The following RYR2 variants were observed in gnomAD, a reference collection of about 807,000 sequenced individuals.
RYR2 encodes the protein cardiac muscle ryanodine receptor-calcium release channel.
A neutral mutation model predicts 601.1 loss-of-function variants in RYR2; 227 were observed. That is an observed-to-expected ratio of 0.38 (90% CI 0.34 to 0.42). The LOEUF is 0.42. Among genes scored for constraint, RYR2 ranks in the 10% least tolerant of loss-of-function variants. RYR2 has a pLI of 1.00. For synonymous variants in RYR2, 2,223 were observed against 2,175.1 expected (o/e 1.02, Z -0.61); for missense variants, 4,646 against 6,156.5 (o/e 0.75, Z 8.21).
chr1:237,575,905 C>T (rs1257261323), intron 29 of RYR2, among the ~76,000 whole-genome samples: 1 of 152,136 alleles, frequency 6.6e-6, no homozygotes, highest in Non-Finnish European at 1.5e-5. Flanking sequence ...AGAATCTATA[C>T]ACATTACTAG....
At position 237,301,300 on chromosome 1, in the gene RYR2, GT is replaced by G. The variant is rs533422527; in HGVS notation, c.169-29577del. ...AAATCTGTAAAACTCAAGATTGCAAGTATTAGTATTAGAATATGTAGTTTAT... is the reference window on the plus strand; with the variant it reads ...AAATCTGTAAAACTCAAGATTGCAAGATTAGTATTAGAATATGTAGTTTAT... On this transcript the variant is annotated intron_variant, in intron 2 of 104. Coordinates refer to ENST00000366574, the MANE Select transcript of RYR2 (RefSeq NM_001035.3). Among the ~76,000 whole-genome samples the G allele has an allele frequency of 5.1e-4, 78 of 152,200 alleles. 1 individual carries two copies. Among genetic ancestry groups the G allele is most frequent in the South Asian group, 2.7e-3 (13 of 4,824 alleles).
chr1:237,043,910 A>G (rs1660237077), intron 1 of RYR2, among the ~76,000 whole-genome samples: 1 of 152,250 alleles, frequency 6.6e-6, no homozygotes, highest in African/African-American at 2.4e-5. Flanking sequence ...GCGAATTTGC[A>G]AAGGAACGTT....
At chr1:237,519,732 T>C (rs533649548) in intron 24 of RYR2, among the ~76,000 whole-genome samples, 2 of 152,262 alleles carry the variant, frequency 1.3e-5, no homozygotes, top group African/African-American at 4.8e-5. Flanking sequence ...CTCCTTTTAT[T>C]TACCCCTCAG....
intron 3 of RYR2, among the ~76,000 whole-genome samples, chr1:237,347,022 A>G (rs1380564778): frequency 1.3e-5 from 2 of 152,050 alleles, no homozygotes; most frequent in African/African-American, 4.8e-5. Flanking sequence ...ATTATTTGTA[A>G]ACATGTATGA....
chr1:237,054,203 T>C (rs184312535), intron 1 of RYR2, among the ~76,000 whole-genome samples: 2,102 of 146,814 alleles, frequency 0.014, 51 homozygotes, highest in African/African-American at 0.05. Context: ...TTCCCTTCTT[T>C]CCTCCCTTCC....
At chr1:237,112,981 C>T (rs1243946396) in intron 1 of RYR2, among the ~76,000 whole-genome samples, 5 of 152,056 alleles carry the variant, frequency 3.3e-5, no homozygotes, top group African/African-American at 1.2e-4. Flanking sequence ...CACGGAACCT[C>T]AACGGGGACT....
At chr1:237,292,010 G>A (rs895857283) in intron 2 of RYR2, among the ~76,000 whole-genome samples, 2 of 152,204 alleles carry the variant, frequency 1.3e-5, no homozygotes, top group African/African-American at 4.8e-5. Flanking sequence ...AGCCGTGCAT[G>A]TGTAGGGGGC....
intron 35 of RYR2, among the ~76,000 whole-genome samples, chr1:237,603,679 C>A (rs1044891474): frequency 6.6e-6 from 1 of 152,068 alleles, no homozygotes; most frequent in African/African-American, 2.4e-5. Flanking sequence ...TTCAGGAGAC[C>A]CATCTCATGT....
intron 17 of RYR2, among the ~76,000 whole-genome samples, chr1:237,477,280 A>G (rs901888554): frequency 5.9e-5 from 9 of 152,140 alleles, no homozygotes; most frequent in African/African-American, 2.2e-4. Flanking sequence ...AGTCCCTGCT[A>G]CTCAGGAGGC....
In RYR2 at chr1:237,387,647, G is replaced by A. The variant is rs61832495; in HGVS notation, c.676+267G>A. Among the ~76,000 whole-genome samples the A allele has an allele frequency of 7.0e-3, 1,061 of 152,246 alleles. 7 individuals carry two copies. The highest frequency in any genetic ancestry group is 0.011 in the Non-Finnish European group (754 of 68,010). The stretch of plus-strand genomic sequence containing the variant: ...TTTATGTGATAGCTTCCTATGGATT[G>A]TTTTCTTCAATTTTTTGACCTCAGA... On this transcript the variant is annotated intron_variant, in intron 9 of 104. Transcript: ENST00000366574.
In RYR2 at chr1:237,788,029, A is replaced by G. The variant is rs747584325; in HGVS notation, c.13370A>G (p.Lys4457Arg). 3.7e-6 allele frequency: 6 copies of G among 1,607,142 alleles called. No homozygotes were observed. The highest frequency in any genetic ancestry group is 1.7e-4 in the Middle Eastern group (1 of 6,054). Residue 4457 changes from lysine to arginine, a missense_variant, in exon 92 of 105, where the codon AAG (lysine) becomes AGG (arginine). Physicochemically the swap from Lys to Arg is conservative, Grantham distance 26 (BLOSUM62 2). This residue lies in a region of RYR2 where 364 missense variants were observed against 442.9 expected (regional missense o/e 0.82). Coordinates refer to ENST00000366574, the MANE Select transcript of RYR2 (RefSeq NM_001035.3). ...AAAGAAGAGAAAGCCAAGGAAGACA[A>G]GGGCAAACAAAAGTTGAGGCAGCTT... ...GEKEEKAKED[K>R]GKQKLRQLHT...
chr1:237,379,118 T>C (rs905395658), intron 8 of RYR2, among the ~76,000 whole-genome samples: 1 of 152,244 alleles, frequency 6.6e-6, no homozygotes, highest in African/African-American at 2.4e-5. Context: ...ATTGTAGTTG[T>C]ACCTGGAAAC....
In RYR2 at chr1:237,638,996, C is replaced by T. The variant is rs745446778; in HGVS notation, c.6929-19C>T. On this transcript the variant is annotated intron_variant, in intron 45 of 104. Coordinates refer to ENST00000366574, the MANE Select transcript of RYR2 (RefSeq NM_001035.3). ...CATATAATCATATTTGTTTACTTAT[C>T]TTCCCCATTCTACTTTAGGGGAGAG... is the stretch of plus-strand genomic sequence containing the variant. The T allele has an allele frequency of 1.2e-6, 2 of 1,611,564 alleles. No individual in the cohort carries two copies. The highest frequency in any genetic ancestry group is 1.3e-5 in the African/African-American group (1 of 74,860).
rs2149388075 is a variant in RYR2 at position 237,793,896 on chromosome 1, G to A, written c.13812G>A (p.Lys4604=). The A allele has an allele frequency of 1.9e-6, 3 of 1,610,438 alleles. No individual in the cohort carries two copies. The highest frequency in any genetic ancestry group is 1.7e-6 in the Non-Finnish European group (2 of 1,176,920). Residue 4604 remains lysine, a synonymous_variant, in exon 95 of 105, where the codon AAG becomes AAA. Coordinates refer to ENST00000366574, the MANE Select transcript of RYR2 (RefSeq NM_001035.3). ...KVPLVIFKRE[K]EVARKLEFDG... is the part of the protein sequence containing the mutation. The stretch of plus-strand genomic sequence containing the variant: ...CATTGGTTATTTTTAAGCGAGAAAA[G>A]GAAGTGGCACGGAAATTGGAATTTG...
rs181556797 is a variant in RYR2, at chr1:237,140,421, C to G, written c.48+97852C>G. On this transcript the variant is annotated intron_variant, in intron 1 of 104. Coordinates refer to ENST00000366574, the MANE Select transcript of RYR2 (RefSeq NM_001035.3). The stretch of plus-strand genomic sequence containing the variant: ...TGAATCATCACAAATTAAGTTGTGA[C>G]TAGTTCACCGCTCTGTGAACTTGAA... Among the ~76,000 whole-genome samples the G allele has an allele frequency of 2.5e-4, 38 of 152,312 alleles. No homozygotes were observed. The East Asian group carries it at 6.8e-3, about 27-fold the overall frequency.
Position 237,631,613 on chromosome 1 carries a change from ATTTTTTTTTTTTTTT to A in RYR2, c.6555+90_6555+104del, listed in dbSNP as rs556269614. ...GTATATAGATTGATATAGAATGCAG[ATTTTTTTTTTTTTTT>A]TTTTTTTTTTTTTTTTTGGAGACAG... On this transcript the variant is annotated intron_variant, in intron 42 of 104. Coordinates refer to ENST00000366574, the MANE Select transcript of RYR2 (RefSeq NM_001035.3). 9.1e-3 allele frequency: 1,890 copies of A among 207,632 alleles called. 1 individual carries two copies. Among genetic ancestry groups the A allele is most frequent in the East Asian group, 0.013 (150 of 11,230 alleles). 12.9% of individuals were successfully genotyped at this position (207,632 alleles called of 1,614,324 possible).
At position 237,188,956 on chromosome 1, in the gene RYR2, C is replaced by T. The variant is rs187874957; in HGVS notation, c.49-81541C>T. ...AGGCATATAATTTAAAAGTGTTAAC[C>T]GTATCCACATTGCTATGCAATCAAT... On this transcript the variant is annotated intron_variant, in intron 1 of 104. Transcript: ENST00000366574. Among the ~76,000 whole-genome samples, 17 of 152,180 alleles carry T rather than the reference C, an allele frequency of 1.1e-4. No individual in the cohort carries two copies. The East Asian group carries it at 2.3e-3, about 21-fold the overall frequency.
At chr1:237,501,534 G>T (rs927916218) in intron 21 of RYR2, among the ~76,000 whole-genome samples, 1 of 152,100 alleles carries the variant, frequency 6.6e-6, no homozygotes, top group Non-Finnish European at 1.5e-5. Flanking sequence ...ATGATGGTCT[G>T]TTATAATAAG....
chr1:237,418,424 C>T (rs952603661), intron 11 of RYR2, among the ~76,000 whole-genome samples: 7 of 152,128 alleles, frequency 4.6e-5, no homozygotes, highest in African/African-American at 1.4e-4. Flanking sequence ...GGCCTTCAGT[C>T]GTTTCTGCTC....
Sources: allele counts gnomAD v4.1 joint callset (sites outside exome capture counted in the v4.1 genomes callset), GRCh38; gene constraint gnomAD v4.1.1; regional missense constraint gnomAD v4.1.1; transcripts MANE v1.5; gene names NCBI Gene and HGNC (gene_info 2026-07-23, HGNC 2026-07-21).